SORCS3: variants seen among roughly 807,000 people sequenced by gnomAD.
SORCS3 encodes VPS10 domain-containing receptor SorCS3.
SORCS3 carries 57 observed loss-of-function variants against 146.3 expected under a neutral mutation model. The ratio of observed to expected loss-of-function variants is 0.39; its 90% CI spans 0.31 to 0.49. The LOEUF (loss-of-function observed/expected upper bound fraction) is 0.49. Ranked by LOEUF, SORCS3 falls within the 20% of genes least tolerant of loss-of-function variation. The probability of loss-of-function intolerance (pLI) is 0.92; values close to 1 mark genes in which losing one functional copy is unlikely to be tolerated. For synonymous variants in SORCS3, 653 were observed against 618.5 expected (o/e 1.06, Z -0.83); for missense variants, 1,341 against 1,575.5 (o/e 0.85, Z 2.52).
At chr10:104,867,011 T>A (rs1409904723) in intron 2 of SORCS3, among the ~76,000 whole-genome samples, 1 of 152,216 alleles carries the variant, frequency 6.6e-6, no homozygotes, top group Non-Finnish European at 1.5e-5. Flanking sequence ...AGAAGCCTAC[T>A]GTGGCCTAGA....
intron 9 of SORCS3, among the ~76,000 whole-genome samples, chr10:105,150,645 G>A (rs906247522): frequency 6.6e-6 from 1 of 152,190 alleles, no homozygotes; most frequent in African/African-American, 2.4e-5. Context: ...TCAGGGACAA[G>A]AATGAGGGCT....
chr10:105,020,767 A>G (rs1429885778), intron 4 of SORCS3, among the ~76,000 whole-genome samples: 1 of 152,156 alleles, frequency 6.6e-6, no homozygotes, highest in Non-Finnish European at 1.5e-5. Context: ...CGTCACCTCC[A>G]TTTACCTTAT....
chr10:105,094,269 T>C (rs1220373514), intron 6 of SORCS3, among the ~76,000 whole-genome samples: 1 of 152,226 alleles, frequency 6.6e-6, no homozygotes, highest in African/African-American at 2.4e-5. Context: ...TTCTGTAACC[T>C]GATTGTGGTG....
intron 4 of SORCS3, among the ~76,000 whole-genome samples, chr10:105,000,218 A>G (rs74590585): frequency 2.0e-5 from 3 of 152,272 alleles, no homozygotes; most frequent in East Asian, 1.9e-4. Context: ...TACCTAATCT[A>G]TATCAAGCAC....
intron 4 of SORCS3, among the ~76,000 whole-genome samples, chr10:105,009,527 C>CAAAAAAAA (rs35368294): frequency 1.7e-4 from 18 of 105,200 alleles, no homozygotes; most frequent in East Asian, 1.7e-3. Flanking sequence ...AACAAACAAA[C>CAAAAAAAA]AAAAAAAAAA....
intron 2 of SORCS3, among the ~76,000 whole-genome samples, chr10:104,904,670 C>G (rs1589543740): frequency 6.6e-6 from 1 of 151,712 alleles, no homozygotes; most frequent in Non-Finnish European, 1.5e-5. Flanking sequence ...AATGGAAAAT[C>G]AGGACCCAAA....
chr10:105,192,481 C>T (rs1386967881), intron 14 of SORCS3, among the ~76,000 whole-genome samples: 1 of 152,034 alleles, frequency 6.6e-6, no homozygotes, highest in African/African-American at 2.4e-5. Flanking sequence ...TCGGCTTCAC[C>T]CTGCTCTGTT....
At chr10:104,644,963 C>T (rs2015473627) in intron 1 of SORCS3, among the ~76,000 whole-genome samples, 1 of 152,186 alleles carries the variant, frequency 6.6e-6, no homozygotes, top group Admixed American at 6.5e-5. Context: ...GTGTGTGCCC[C>T]AGGTGGTTGA....
chr10:105,208,473 T>C (rs2056615509), intron 16 of SORCS3, among the ~76,000 whole-genome samples: 1 of 151,820 alleles, frequency 6.6e-6, no homozygotes, highest in Non-Finnish European at 1.5e-5. Flanking sequence ...ATCATACATA[T>C]TCCCATCATG....
chr10:105,039,699 C>T (rs1330003369), intron 4 of SORCS3, among the ~76,000 whole-genome samples: 4 of 152,158 alleles, frequency 2.6e-5, no homozygotes, highest in Admixed American at 1.3e-4. Context: ...TTGGGATCCA[C>T]CTGCCTCAGC....
Position 104,724,919 on chromosome 10 carries a change from G to A in SORCS3, c.627+82965G>A, listed in dbSNP as rs138803031. On this transcript the variant is annotated intron_variant, in intron 1 of 26. Coordinates refer to ENST00000369701, the MANE Select transcript of SORCS3 (RefSeq NM_014978.3). The stretch of plus-strand genomic sequence containing the variant: ...TATTTAACTTCTTTGCCATGAGTTC[G>A]AACTTCCTCCTTTAGCTCGGAGTAG... Among the ~76,000 whole-genome samples the A allele has an allele frequency of 4.7e-3, 722 of 152,184 alleles. 3 individuals carry two copies. The highest frequency in any genetic ancestry group is 6.6e-3 in the Non-Finnish European group (446 of 68,016).
chr10:104,837,544 A>G (rs962112843), intron 1 of SORCS3, among the ~76,000 whole-genome samples: 1 of 152,194 alleles, frequency 6.6e-6, no homozygotes, highest in African/African-American at 2.4e-5. Flanking sequence ...TTAGGTCAAA[A>G]AGGTACTTAT....
Position 105,043,003 on chromosome 10 carries a change from A to G in SORCS3, c.955-52A>G, listed in dbSNP as rs575599412. The stretch of plus-strand genomic sequence containing the variant: ...TGCTGCAGGGAAAACATCTGTATTC[A>G]TGCCCAGCAGTGGTTCCTTGAGACT... On this transcript the variant is annotated intron_variant, in intron 4 of 26. Coordinates refer to ENST00000369701, the MANE Select transcript of SORCS3 (RefSeq NM_014978.3). 6 of 1,504,922 alleles carry G rather than the reference A, an allele frequency of 4.0e-6. No individual in the cohort carries two copies. The East Asian group carries it at 9.0e-5, about 23-fold the overall frequency. The allele number at this position is 1,504,922 out of a possible 1,614,324, so 93.2% of individuals were successfully genotyped here. A position where few individuals can be genotyped will look rare whatever the true frequency, so the allele number is the denominator to read the frequency against.
chr10:104,979,749 T>C (rs1009505433), intron 4 of SORCS3, among the ~76,000 whole-genome samples: 1 of 152,206 alleles, frequency 6.6e-6, no homozygotes, highest in Non-Finnish European at 1.5e-5. Flanking sequence ...ATTTCTTTCA[T>C]GGCATCAAGT....
intron 3 of SORCS3, among the ~76,000 whole-genome samples, chr10:104,944,010 A>G (rs2019345793): frequency 6.6e-6 from 1 of 152,038 alleles, no homozygotes; most frequent in African/African-American, 2.4e-5. Flanking sequence ...TCTCAACCTC[A>G]CAGGATCAAG....
chr10:104,673,012 T>C (rs2015873296), intron 1 of SORCS3, among the ~76,000 whole-genome samples: 1 of 152,168 alleles, frequency 6.6e-6, no homozygotes, highest in Admixed American at 6.5e-5. Context: ...TCCTTCTTTG[T>C]CTCTTGTTTG....
intron 2 of SORCS3, among the ~76,000 whole-genome samples, chr10:104,874,840 C>G (rs1402295625): frequency 6.6e-6 from 1 of 152,130 alleles, no homozygotes; most frequent in African/African-American, 2.4e-5. Flanking sequence ...TTAGAAAACA[C>G]CTTTGGGTCT....
chr10:104,940,529 T>A (rs1323040620), intron 3 of SORCS3, among the ~76,000 whole-genome samples: 1 of 151,588 alleles, frequency 6.6e-6, no homozygotes, highest in Non-Finnish European at 1.5e-5. Context: ...TTGCTGAGAA[T>A]GATGGTTTCC....
chr10:105,214,644 A>G (rs770587806), intron 18 of SORCS3, 31 bp downstream of exon 18: 13 of 1,529,960 alleles, frequency 8.5e-6, no homozygotes, highest in Non-Finnish European at 1.1e-5. Context: ...CTGAGGTCAG[A>G]ACTCCCAACC....
Sources: allele counts gnomAD v4.1 joint callset (sites outside exome capture counted in the v4.1 genomes callset), GRCh38; gene constraint gnomAD v4.1.1; transcripts MANE v1.5; gene names NCBI Gene and HGNC (gene_info 2026-07-23, HGNC 2026-07-21).